The following COMT variants were observed in gnomAD, a reference collection of about 807,000 sequenced individuals.
COMT encodes the protein catechol O-methyltransferase.
In COMT, 13 loss-of-function variants were observed where a neutral mutation model predicts 18.9. That is an observed-to-expected ratio of 0.69 (90% CI 0.45 to 1.09). The LOEUF is 1.09. Ranked by LOEUF, COMT falls within the 50% of genes least tolerant of loss-of-function variation. COMT has a pLI of 0.00. For synonymous variants in COMT, 150 were observed against 160.9 expected (o/e 0.93, Z 0.51); for missense variants, 329 against 361.8 (o/e 0.91, Z 0.73).
At chr22:19,954,417 G>A (rs1942016350) in intron 1 of COMT, among the ~76,000 whole-genome samples, 1 of 152,158 alleles carries the variant, frequency 6.6e-6, no homozygotes, top group South Asian at 2.1e-4. Flanking sequence ...TCGGATGAGA[G>A]CAGCCACGGA....
At position 19,941,834 on chromosome 22, in the gene COMT, G is replaced by T; in HGVS notation, c.-155G>T. The T allele has an allele frequency of 6.7e-7, 1 of 1,488,898 alleles. No individual in the cohort carries two copies. Among genetic ancestry groups the T allele is most frequent in the South Asian group, 1.3e-5 (1 of 78,972 alleles). 92.2% of individuals were successfully genotyped at this position (1,488,898 alleles called of 1,614,324 possible). ...TGGGGCTTCTGGGGCAGCTAGGGCT[G>T]CCCGCCGCGCTGCCTGCGCCGGACC... On this transcript the variant is annotated 5_prime_UTR_variant, in exon 1 of 6. Coordinates refer to ENST00000361682, the MANE Select transcript of COMT (RefSeq NM_000754.4).
At chr22:19,954,836 CCTCTT>C (rs765147922) in intron 1 of COMT, among the ~76,000 whole-genome samples, 5 of 152,226 alleles carry the variant, frequency 3.3e-5, no homozygotes, top group Non-Finnish European at 7.3e-5. Flanking sequence ...CACTGTCTCA[CCTCTT>C]CTCAGGTGTC....
Position 19,968,773 on chromosome 22 carries a change from A to C in COMT, c.*37A>C, listed in dbSNP as rs773725345. The C allele has an allele frequency of 2.7e-5, 43 of 1,586,816 alleles. No homozygotes were observed. Among genetic ancestry groups the C allele is most frequent in the Middle Eastern group, 2.0e-4 (1 of 4,996 alleles). Reference sequence around the variant, plus strand: ...GCCCCCCTCTCGGGCTCTCTCACCCAGCCTGGTACTGAAGGTGCCAGACGT... The same window carrying C: ...GCCCCCCTCTCGGGCTCTCTCACCCCGCCTGGTACTGAAGGTGCCAGACGT... On this transcript the variant is annotated 3_prime_UTR_variant, in exon 6 of 6. Coordinates refer to ENST00000361682, the MANE Select transcript of COMT (RefSeq NM_000754.4).
At chr22:19,946,071 C>T (rs1039500525) in intron 1 of COMT, among the ~76,000 whole-genome samples, 11 of 152,316 alleles carry the variant, frequency 7.2e-5, no homozygotes, top group African/African-American at 2.6e-4. Flanking sequence ...GCAGTTTACT[C>T]AGTTGCATGC....
At chr22:19,951,493 C>G (rs942537433) in intron 1 of COMT, 1 of 152,070 alleles carries the variant, frequency 6.6e-6, no homozygotes, top group East Asian at 1.9e-4. Context: ...ACAAATCAAA[C>G]CATGTGACTC....
rs758187540 is a variant in COMT at position 19,968,593 on chromosome 22, G to A, written c.673G>A (p.Gly225Ser). ...ACTGGCTGACAACGTGATCTGCCCA[G>A]GTGCGCCAGACTTCCTAGCACACGT... ...VLLADNVICPGAPDFLAHVRG... is the reference protein window; with the variant it reads ...VLLADNVICPSAPDFLAHVRG... The change falls in exon 6 of 6, where the codon GGT becomes AGT. Residue 225 changes from glycine to serine, a missense_variant. Coordinates refer to ENST00000361682, the MANE Select transcript of COMT (RefSeq NM_000754.4). 5.0e-6 allele frequency: 8 copies of A among 1,613,966 alleles called. No individual in the cohort carries two copies. The highest frequency in any genetic ancestry group is 1.3e-5 in the African/African-American group (1 of 74,912).
intron 5 of COMT, chr22:19,966,899 A>T: frequency 1.0e-6 from 1 of 972,900 alleles, no homozygotes; most frequent in East Asian, 1.1e-4. Flanking sequence ...ACCTCAGCAT[A>T]GTGTCACCTG....
intron 1 of COMT, chr22:19,951,742 G>C (rs1175480455): frequency 6.6e-6 from 1 of 152,330 alleles, no homozygotes; most frequent in Non-Finnish European, 1.5e-5. Context: ...GAAGTGGGGA[G>C]TGGGGAGGAA....
At chr22:19,945,573 GAA>G (rs57039617) in intron 1 of COMT, among the ~76,000 whole-genome samples, 35,007 of 152,090 alleles carry the variant, frequency 0.23, 4,329 homozygotes, top group Middle Eastern at 0.34. Context: ...CAGGCCGGAA[GAA>G]AAAGATAATT....
rs147609321 is a variant in COMT, at chr22:19,964,881, A to G, written c.615+582A>G. The G allele has an allele frequency of 1.4e-4, 35 of 242,224 alleles. 1 individual carries two copies. In the East Asian group the frequency reaches 3.4e-3, roughly 24 times the overall value. The allele number at this position is 242,224 out of a possible 1,614,324, so 15.0% of individuals were successfully genotyped here. A position where few individuals can be genotyped will look rare whatever the true frequency, so the allele number is the denominator to read the frequency against. On this transcript the variant is annotated intron_variant, in intron 5 of 5. Coordinates refer to ENST00000361682, the MANE Select transcript of COMT (RefSeq NM_000754.4). The stretch of plus-strand genomic sequence containing the variant: ...CAGACTGATGCTTAAGGAGCCTCAC[A>G]TCAGTGACACACTGCCCCATCCCTC...
chr22:19,967,276 C>CA (rs1310406776), intron 5 of COMT: 1 of 1,196,608 alleles, frequency 8.4e-7, no homozygotes, highest in Non-Finnish European at 1.1e-6. Context: ...CCAGGCCCCT[C>CA]ACTCATGCAT....
chr22:19,967,584 C>T (rs1942487898), intron 5 of COMT: 2 of 365,350 alleles, frequency 5.5e-6, no homozygotes, highest in African/African-American at 4.3e-5. Flanking sequence ...ACCAGGACAG[C>T]TGCAAGCCCT....
chr22:19,968,742 C>CG lies in COMT; in HGVS notation c.*6_*7insG, dbSNP rs765203563. ...GCAGCGAAGCAGGGCCCTGACTGCC[C>CG]CCCCGGCCCCCCTCTCGGGCTCTCT... On this transcript the variant is annotated 3_prime_UTR_variant, in exon 6 of 6. Transcript: ENST00000361682. 1.7e-3 allele frequency: 2,692 copies of CG among 1,608,556 alleles called. 2 individuals carry two copies. Among genetic ancestry groups the CG allele is most frequent in the Non-Finnish European group, 2.1e-3 (2,524 of 1,179,400 alleles).
intron 1 of COMT, among the ~76,000 whole-genome samples, chr22:19,956,207 T>G (rs1251890343): frequency 7.2e-6 from 1 of 139,808 alleles, no homozygotes; most frequent in Non-Finnish European, 1.5e-5. Context: ...TGCAGTGGTG[T>G]GATCTCAGCT....
Position 19,963,642 on chromosome 22 carries a change from A to C in COMT, c.366A>C (p.Ser122=). The C allele has an allele frequency of 6.2e-7, 1 of 1,612,906 alleles. No homozygotes were observed. The stretch of plus-strand genomic sequence containing the variant: ...AGCTGGGGGCCTACTGTGGCTACTC[A>C]GCTGTGCGCATGGCCCGCCTGCTGT... ...LLELGAYCGY[S]AVRMARLLSP... Residue 122 remains serine (S), a synonymous_variant, in exon 4 of 6, where the codon TCA becomes TCC. Coordinates refer to ENST00000361682, the MANE Select transcript of COMT (RefSeq NM_000754.4).
At chr22:19,942,743 A>C (rs989477612) in intron 1 of COMT, among the ~76,000 whole-genome samples, 1 of 152,224 alleles carries the variant, frequency 6.6e-6, no homozygotes, top group Non-Finnish European at 1.5e-5. Context: ...CATGAGAAAA[A>C]GCTGGCTCCA....
At chr22:19,960,378 A>C (rs1460479392) in intron 1 of COMT, among the ~76,000 whole-genome samples, 2 of 152,230 alleles carry the variant, frequency 1.3e-5, no homozygotes, top group South Asian at 2.1e-4. Flanking sequence ...TGTCATAGGA[A>C]ATCCCCACCA....
chr22:19,947,996 G>A lies in COMT; in HGVS notation c.-92+6099G>A, dbSNP rs145588370. On this transcript the variant is annotated intron_variant, in intron 1 of 5. Transcript: ENST00000361682. ...GCTTGTCTTCTGGTCACTTCTCACC[G>A]TGTCCCTTCAGCTCTTATCACTGTA... Among the ~76,000 whole-genome samples, 23 of 152,252 alleles carry A rather than the reference G, an allele frequency of 1.5e-4. No individual in the cohort carries two copies. In the East Asian group the frequency reaches 3.1e-3, roughly 20 times the overall value.
chr22:19,960,691 C>T (rs185596714), intron 1 of COMT, among the ~76,000 whole-genome samples: 3 of 152,268 alleles, frequency 2.0e-5, no homozygotes, highest in Non-Finnish European at 4.4e-5. Flanking sequence ...AGCCCTGCAC[C>T]GGGTTCCATC....
Sources: gnomAD v4.1 joint callset for allele counts (sites outside exome capture counted in the v4.1 genomes callset) on GRCh38, gnomAD v4.1.1 for gene constraint, MANE v1.5 for transcripts, NCBI Gene and HGNC (gene_info 2026-07-23, HGNC 2026-07-21) for gene names.